Variants in CDH18 observed in about 807,000 individuals in gnomAD.
The protein encoded by CDH18 is cadherin 18.
Under a neutral mutation model 67.9 loss-of-function variants are expected in CDH18, and 31 were observed. The ratio of observed to expected loss-of-function variants is 0.46; its 90% confidence interval spans 0.34 to 0.62. The LOEUF is 0.62. Ranked by LOEUF, CDH18 falls within the 20% of genes least tolerant of loss-of-function variation. The pLI is 0.01. For synonymous variants in CDH18, 362 were observed against 347.2 expected (o/e 1.04, Z -0.48); for missense variants, 890 against 975.5 (o/e 0.91, Z 1.17).
chr5:20,097,259 A>G lies in CDH18; in HGVS notation c.-517-105245T>C, dbSNP rs565033712. 4.6e-5 allele frequency among the ~76,000 whole-genome samples: 7 copies of G among 152,218 alleles called. No individual in the cohort carries two copies. The South Asian group carries it at 1.5e-3, about 32-fold the overall frequency. On this transcript the variant is annotated intron_variant, in intron 2 of 14. Transcript: ENST00000507958. ...TCTGTTGTCATAGTGCTATGAAAAAATACCCAAGACTGGGTGATCTATAAA... is the reference window on the plus strand; with the variant it reads ...TCTGTTGTCATAGTGCTATGAAAAAGTACCCAAGACTGGGTGATCTATAAA...
At chr5:20,115,270 CTTTTT>C (rs753438800) in intron 2 of CDH18, among the ~76,000 whole-genome samples, 3 of 58,150 alleles carry the variant, frequency 5.2e-5, no homozygotes, top group East Asian at 6.4e-4. Flanking sequence ...AGGGCCTCAT[CTTTTT>C]TTTTTTTTTT....
At chr5:19,692,571 G>C (rs1762040401) in intron 5 of CDH18, among the ~76,000 whole-genome samples, 1 of 151,728 alleles carries the variant, frequency 6.6e-6, no homozygotes, top group Non-Finnish European at 1.5e-5. Flanking sequence ...AGTGAAAAAG[G>C]AGAAAAATAT....
chr5:20,545,601 C>T (rs1007931626), intron 1 of CDH18, among the ~76,000 whole-genome samples: 1 of 152,212 alleles, frequency 6.6e-6, no homozygotes, highest in African/African-American at 2.4e-5. Context: ...TTAGCCACTG[C>T]TGGAGCTAGA....
At chr5:20,412,733 G>T (rs1247231164) in intron 1 of CDH18, among the ~76,000 whole-genome samples, 1 of 152,124 alleles carries the variant, frequency 6.6e-6, no homozygotes, top group South Asian at 2.1e-4. Context: ...ATTAAAAAAT[G>T]CTCAACATCA....
intron 1 of CDH18, among the ~76,000 whole-genome samples, chr5:20,303,487 C>A (rs529991801): frequency 6.6e-6 from 1 of 152,114 alleles, no homozygotes. Context: ...ATGATTCGAA[C>A]GCTGAGGTGA....
chr5:20,568,240 T>C (rs1179510883), intron 1 of CDH18, among the ~76,000 whole-genome samples: 2 of 152,170 alleles, frequency 1.3e-5, no homozygotes, highest in African/African-American at 2.4e-5. Context: ...CAGAAGGACC[T>C]GGATTTGAAA....
At chr5:19,595,060 A>T (rs539480954) in intron 6 of CDH18, among the ~76,000 whole-genome samples, 24 of 152,314 alleles carry the variant, frequency 1.6e-4, no homozygotes, top group Non-Finnish European at 3.1e-4. Flanking sequence ...AAAAAACAAA[A>T]ATTGTTATAA....
chr5:20,169,938 A>C (rs1736565972), intron 2 of CDH18, among the ~76,000 whole-genome samples: 1 of 152,052 alleles, frequency 6.6e-6, no homozygotes. Context: ...TTTTACTTCA[A>C]TTTCAGTATT....
At chr5:19,890,559 C>T (rs1788677498) in intron 2 of CDH18, among the ~76,000 whole-genome samples, 1 of 151,564 alleles carries the variant, frequency 6.6e-6, no homozygotes, top group African/African-American at 2.4e-5. Context: ...AGACATTTCA[C>T]ATTAATCAAA....
At chr5:19,495,205 A>G (rs1025775727) in intron 11 of CDH18, among the ~76,000 whole-genome samples, 6 of 152,196 alleles carry the variant, frequency 3.9e-5, no homozygotes, top group Non-Finnish European at 8.8e-5. Context: ...CAATTTAATT[A>G]AATTTGAAAG....
intron 5 of CDH18, among the ~76,000 whole-genome samples, chr5:19,617,888 T>C (rs933542453): frequency 6.6e-6 from 1 of 152,208 alleles, no homozygotes; most frequent in African/African-American, 2.4e-5. Flanking sequence ...CATTACTTGT[T>C]GAGCTTGAGT....
intron 1 of CDH18, among the ~76,000 whole-genome samples, chr5:20,516,703 T>A (rs113102480): frequency 2.0e-5 from 3 of 151,916 alleles, no homozygotes; most frequent in African/African-American, 7.2e-5. Context: ...GTTAGAAAAT[T>A]AGAGACTGAT....
intron 1 of CDH18, among the ~76,000 whole-genome samples, chr5:20,534,404 A>C (rs1756593052): frequency 6.6e-6 from 1 of 152,060 alleles, no homozygotes; most frequent in Admixed American, 6.6e-5. Context: ...CAAATAATAT[A>C]TTTTTGAAAT....
intron 3 of CDH18, among the ~76,000 whole-genome samples, chr5:19,769,129 G>A (rs977834840): frequency 6.6e-6 from 1 of 151,878 alleles, no homozygotes; most frequent in Admixed American, 6.6e-5. Flanking sequence ...GAGAAAAGGA[G>A]ACAGAAAGAA....
chr5:20,468,902 C>A (rs1019494187), intron 1 of CDH18, among the ~76,000 whole-genome samples: 1 of 152,128 alleles, frequency 6.6e-6, no homozygotes, highest in East Asian at 1.9e-4. Context: ...ATACATTAAT[C>A]GAGGTGCATT....
rs1419404378 is a variant in CDH18, at chr5:20,429,056, A to AT, written c.-580+146405dup. ...TGTAAAAGAGCACAAACACTCGTCTATTTTTTTTGCTGATACCTCTTTTTT... is the reference window on the plus strand; with the variant it reads ...TGTAAAAGAGCACAAACACTCGTCTATTTTTTTTTGCTGATACCTCTTTTTT... On this transcript the variant is annotated intron_variant, in intron 1 of 14. Coordinates refer to the CDH18 transcript ENST00000507958. Among the ~76,000 whole-genome samples, 6 of 148,272 alleles carry AT rather than the reference A, an allele frequency of 4.0e-5. No homozygotes were observed. In the East Asian group the frequency reaches 8.1e-4, roughly 20 times the overall value.
intron 6 of CDH18, among the ~76,000 whole-genome samples, chr5:19,609,195 G>A (rs577921332): frequency 1.3e-3 from 202 of 152,050 alleles, no homozygotes; most frequent in Non-Finnish European, 2.3e-3. Flanking sequence ...ATTTTCTCTA[G>A]AAGGAGAAGT....
rs796630699 is a variant in CDH18 at position 20,439,054 on chromosome 5, T to G, written c.-580+136408A>C. 1.6e-4 allele frequency among the ~76,000 whole-genome samples: 24 copies of G among 151,710 alleles called. 1 individual carries two copies. The highest frequency in any genetic ancestry group is 5.8e-4 in the African/African-American group (24 of 41,296). Reference sequence around the variant, plus strand: ...TGATTGCGTCATTTTTTAACTTGTTTGTCCAGTGAATGAAGCACACAATCA... The same window carrying G: ...TGATTGCGTCATTTTTTAACTTGTTGGTCCAGTGAATGAAGCACACAATCA... On this transcript the variant is annotated intron_variant, in intron 1 of 14. Transcript: ENST00000507958.
At chr5:20,152,215 A>T (rs1032878844) in intron 2 of CDH18, among the ~76,000 whole-genome samples, 9 of 145,514 alleles carry the variant, frequency 6.2e-5, no homozygotes, top group African/African-American at 2.0e-4. Flanking sequence ...TATAATATAG[A>T]TATAATTATA....
Sources: gnomAD v4.1 joint callset for allele counts (sites outside exome capture counted in the v4.1 genomes callset) on GRCh38, gnomAD v4.1.1 for gene constraint, MANE v1.5 for transcripts, NCBI Gene and HGNC (gene_info 2026-07-23, HGNC 2026-07-21) for gene names.